The following EPCIP variants were observed in gnomAD, a reference collection of about 807,000 sequenced individuals.
The protein encoded by EPCIP is exosomal polycystin-1-interacting protein.
the EPCIP span, among the ~76,000 whole-genome samples, chr21:32,795,997 CTTCCCTCT>C: frequency 6.6e-6 from 1 of 150,490 alleles, no homozygotes; most frequent in African/African-American, 2.4e-5. Flanking sequence ...TCCTTCCCTC[CTTCCCTCT>C]TTCCTTCCCT....
chr21:32,810,522 A>G, the EPCIP span: 5 of 462,234 alleles, frequency 1.1e-5, no homozygotes, highest in African/African-American at 2.0e-5. Context: ...CGGCCTCCCA[A>G]ACTGCTGGGA....
the EPCIP span, among the ~76,000 whole-genome samples, chr21:32,802,812 C>T: frequency 6.6e-6 from 1 of 152,212 alleles, no homozygotes; most frequent in Non-Finnish European, 1.5e-5. Flanking sequence ...GCATTTGTCT[C>T]TCTCTGTCTC....
At chr21:32,812,572 AAAG>A in the EPCIP span, among the ~76,000 whole-genome samples, 1 of 152,214 alleles carries the variant, frequency 6.6e-6, no homozygotes, top group African/African-American at 2.4e-5. Flanking sequence ...GTCAGAAAAA[AAAG>A]TAATGAAAAG....
chr21:32,802,294 A>G, the EPCIP span, among the ~76,000 whole-genome samples: 1 of 152,242 alleles, frequency 6.6e-6, no homozygotes, highest in African/African-American at 2.4e-5. Flanking sequence ...ATTTTTAAAA[A>G]TTTAAGATGA....
the EPCIP span, among the ~76,000 whole-genome samples, chr21:32,808,143 C>T: frequency 6.6e-6 from 1 of 152,226 alleles, no homozygotes; most frequent in Admixed American, 6.5e-5. Context: ...ACAGCCCTTG[C>T]TGCAAAACTC....
At chr21:32,809,999 C>G in the EPCIP span, among the ~76,000 whole-genome samples, 1 of 152,128 alleles carries the variant, frequency 6.6e-6, no homozygotes, top group Admixed American at 6.5e-5. Context: ...AAAAACCAGA[C>G]TTTTGCTGTA....
chr21:32,793,906 C>G, the EPCIP span: 1 of 1,614,150 alleles, frequency 6.2e-7, no homozygotes, highest in Admixed American at 1.7e-5. Context: ...TGAAAAGAGC[C>G]ATATCTAAGA....
At chr21:32,793,522 C>G in the EPCIP span, 1 of 577,892 alleles carries the variant, frequency 1.7e-6, no homozygotes, top group Non-Finnish European at 3.1e-6. Flanking sequence ...TGTCCCTGGA[C>G]GGAATCAAGT....
chr21:32,802,387 C>T, the EPCIP span, among the ~76,000 whole-genome samples: 8 of 152,190 alleles, frequency 5.3e-5, no homozygotes, highest in Non-Finnish European at 2.9e-5. Context: ...GGTAAGCTCC[C>T]TCTTTGGAGG....
chr21:32,812,753 C>T, the EPCIP span, among the ~76,000 whole-genome samples: 9 of 152,160 alleles, frequency 5.9e-5, no homozygotes, highest in African/African-American at 2.2e-4. Context: ...GTTTTTGAAA[C>T]ATTTCCTGTC....
the EPCIP span, among the ~76,000 whole-genome samples, chr21:32,806,612 G>A: frequency 6.6e-6 from 1 of 152,170 alleles, no homozygotes; most frequent in Non-Finnish European, 1.5e-5. Flanking sequence ...AGCTCTTCAG[G>A]TATCAGCTGG....
the EPCIP span, among the ~76,000 whole-genome samples, chr21:32,799,326 TA>T: frequency 6.6e-6 from 1 of 152,200 alleles, no homozygotes; most frequent in Non-Finnish European, 1.5e-5. Flanking sequence ...TTGTGGGATA[TA>T]TTCAGATTTT....
the EPCIP span, among the ~76,000 whole-genome samples, chr21:32,805,291 A>G: frequency 2.6e-5 from 4 of 152,160 alleles, no homozygotes; most frequent in South Asian, 2.1e-4. Context: ...ACTGGTTTTG[A>G]ACTTCTGACC....
At chr21:32,809,569 G>A in the EPCIP span, among the ~76,000 whole-genome samples, 6 of 151,826 alleles carry the variant, frequency 4.0e-5, no homozygotes, top group Admixed American at 2.6e-4. Context: ...CAGACTCACT[G>A]TAGTGCTCAG....
chr21:32,809,222 T>A, the EPCIP span, among the ~76,000 whole-genome samples: 105 of 149,576 alleles, frequency 7.0e-4, 2 homozygotes, highest in African/African-American at 2.4e-3. Context: ...TGTGTGTGTG[T>A]GATGTCTCAC....
chr21:32,796,955 A>G, the EPCIP span: 8 of 470,882 alleles, frequency 1.7e-5, no homozygotes, highest in Non-Finnish European at 3.1e-5. Context: ...ATCCTTTTAG[A>G]GGCAGCCGTG....
At chr21:32,797,837 G>A in the EPCIP span, 1 of 152,126 alleles carries the variant, frequency 6.6e-6, no homozygotes, top group South Asian at 2.1e-4. Flanking sequence ...AAGGATTTCA[G>A]GCATGGCTTG....
chr21:32,797,293 G>A, the EPCIP span: 1 of 255,920 alleles, frequency 3.9e-6, no homozygotes, highest in Non-Finnish European at 7.8e-6. Context: ...AAGTCGCCCG[G>A]GCTGCAGTTC....
At chr21:32,797,288 G>T in the EPCIP span, 1 of 257,040 alleles carries the variant, frequency 3.9e-6, no homozygotes, top group African/African-American at 2.3e-5. Flanking sequence ...AGATGAAGTC[G>T]CCCGGGCTGC....
Sources: gnomAD v4.1 joint callset for allele counts (sites outside exome capture counted in the v4.1 genomes callset) on GRCh38, gnomAD v4.1.1 for gene constraint, MANE v1.5 for transcripts, NCBI Gene and HGNC (gene_info 2026-07-23, HGNC 2026-07-21) for gene names.